The following FAM110B variants were observed in gnomAD, a reference collection of about 807,000 sequenced individuals.
FAM110B encodes the protein family with sequence similarity 110 member B.
A neutral mutation model predicts 20.4 loss-of-function variants in FAM110B; 6 were observed. The ratio of observed to expected loss-of-function variants is 0.29; its 90% CI spans 0.16 to 0.58. The LOEUF is 0.58. Ranked by LOEUF, FAM110B falls within the 20% of genes least tolerant of loss-of-function variation. The pLI is 0.90. For synonymous variants in FAM110B, 226 were observed against 214.1 expected (o/e 1.06, Z -0.49); for missense variants, 434 against 498.2 (o/e 0.87, Z 1.23).
chr8:58,072,956 G>A (rs776510385), intron 2 of FAM110B, among the ~76,000 whole-genome samples: 3 of 152,208 alleles, frequency 2.0e-5, no homozygotes, highest in African/African-American at 4.8e-5. Flanking sequence ...ATATCTATAG[G>A]TGGATTTGTG....
intron 3 of FAM110B, among the ~76,000 whole-genome samples, chr8:58,123,859 A>T (rs936445011): frequency 6.6e-6 from 1 of 152,232 alleles, no homozygotes; most frequent in Admixed American, 6.5e-5. Context: ...CCTTTGGAAG[A>T]CAGAATAAAA....
At chr8:58,131,772 C>T (rs371169580) in intron 3 of FAM110B, among the ~76,000 whole-genome samples, 85 of 152,338 alleles carry the variant, frequency 5.6e-4, no homozygotes, top group Non-Finnish European at 1.1e-3. Flanking sequence ...TTTGTAGATG[C>T]TCAGTAAACA....
At chr8:58,096,548 G>T (rs1249187332) in intron 3 of FAM110B, among the ~76,000 whole-genome samples, 1 of 152,164 alleles carries the variant, frequency 6.6e-6, no homozygotes, top group African/African-American at 2.4e-5. Context: ...TACATTTAAG[G>T]TTAATATTGT....
At chr8:58,121,637 A>G (rs1364396587) in intron 3 of FAM110B, among the ~76,000 whole-genome samples, 1 of 152,186 alleles carries the variant, frequency 6.6e-6, no homozygotes, top group Non-Finnish European at 1.5e-5. Context: ...GTATCCTTTA[A>G]CCATGCCTCT....
At chr8:58,103,181 T>C (rs1000491124) in intron 3 of FAM110B, among the ~76,000 whole-genome samples, 1 of 152,060 alleles carries the variant, frequency 6.6e-6, no homozygotes, top group Non-Finnish European at 1.5e-5. Context: ...CTTTCTTTAT[T>C]ATTATTATAC....
At chr8:58,126,700 A>C (rs959425005) in intron 3 of FAM110B, among the ~76,000 whole-genome samples, 1 of 151,886 alleles carries the variant, frequency 6.6e-6, no homozygotes, top group African/African-American at 2.4e-5. Context: ...TGCCCTTTTT[A>C]TATGCCCTTT....
chr8:58,141,619 A>G (rs1253176316), intron 3 of FAM110B, among the ~76,000 whole-genome samples: 1 of 152,246 alleles, frequency 6.6e-6, no homozygotes, highest in African/African-American at 2.4e-5. Flanking sequence ...TTAAAATTTA[A>G]AGACTAATTA....
At chr8:58,131,901 A>G (rs558679934) in intron 3 of FAM110B, among the ~76,000 whole-genome samples, 1 of 152,240 alleles carries the variant, frequency 6.6e-6, no homozygotes, top group African/African-American at 2.4e-5. Flanking sequence ...AGCTTAGGGG[A>G]AAGTTGCATT....
chr8:58,135,071 A>G (rs1396310682), intron 3 of FAM110B, among the ~76,000 whole-genome samples: 4 of 152,194 alleles, frequency 2.6e-5, no homozygotes, highest in African/African-American at 7.2e-5. Context: ...AGCTGAAACA[A>G]CACTGTGATA....
intron 2 of FAM110B, among the ~76,000 whole-genome samples, chr8:58,069,351 G>A (rs1805840349): frequency 6.6e-6 from 1 of 152,170 alleles, no homozygotes; most frequent in African/African-American, 2.4e-5. Flanking sequence ...ACTCTTCGAG[G>A]TGGCTCCTAT....
chr8:58,032,331 A>G (rs1358954850), intron 2 of FAM110B: 1 of 152,224 alleles, frequency 6.6e-6, no homozygotes, highest in African/African-American at 2.4e-5. Flanking sequence ...TGGACATGGG[A>G]CCTAGTATAT....
intron 3 of FAM110B, among the ~76,000 whole-genome samples, chr8:58,143,761 G>A (rs767695120): frequency 4.6e-5 from 7 of 152,168 alleles, no homozygotes; most frequent in Admixed American, 2.0e-4. Context: ...GGAAGGCCAC[G>A]CCAGTGGTGT....
rs58047108 is a variant in FAM110B, at chr8:58,075,273, T to TGTGTGTGTGTGTGTGTGTGTGTG, written c.-413-262_-413-261insGTGTGTGTGTGTGTGTGTGTGTG. On this transcript the variant is annotated intron_variant, in intron 2 of 3. Transcript: ENST00000519262. ...TGAACTAATTTTTGCTTTTTTTTTTTTTTGTGTGTGTGTGTGTGTGTGTTT... is the reference window on the plus strand; with the variant it reads ...TGAACTAATTTTTGCTTTTTTTTTTTGTGTGTGTGTGTGTGTGTGTGTGTTTGTGTGTGTGTGTGTGTGTGTTT... 3.3e-3 allele frequency among the ~76,000 whole-genome samples: 483 copies of TGTGTGTGTGTGTGTGTGTGTGTG among 145,062 alleles called. 6 individuals carry two copies. Among genetic ancestry groups the TGTGTGTGTGTGTGTGTGTGTGTG allele is most frequent in the African/African-American group, 0.01 (370 of 36,234 alleles).
intron 2 of FAM110B, among the ~76,000 whole-genome samples, chr8:58,057,414 C>G (rs952042213): frequency 2.6e-5 from 4 of 152,176 alleles, no homozygotes; most frequent in African/African-American, 7.2e-5. Context: ...GGCTGCCCTT[C>G]TGTATTTCCT....
At chr8:58,062,118 T>C (rs1001906066) in intron 2 of FAM110B, among the ~76,000 whole-genome samples, 1 of 152,188 alleles carries the variant, frequency 6.6e-6, no homozygotes, top group Non-Finnish European at 1.5e-5. Context: ...AAAGGTCCCA[T>C]GGTTGTTGAG....
At chr8:58,132,378 G>A (rs1803495707) in intron 3 of FAM110B, among the ~76,000 whole-genome samples, 1 of 151,380 alleles carries the variant, frequency 6.6e-6, no homozygotes, top group Non-Finnish European at 1.5e-5. Flanking sequence ...TGGGGGTGGT[G>A]AGGGGGGCGC....
At chr8:58,005,697 C>T (rs961850928) in intron 1 of FAM110B, among the ~76,000 whole-genome samples, 3 of 152,134 alleles carry the variant, frequency 2.0e-5, no homozygotes, top group East Asian at 1.9e-4. Context: ...CTATTACAGC[C>T]GTTAGCATCT....
chr8:58,068,336 C>G (rs574566360), intron 2 of FAM110B, among the ~76,000 whole-genome samples: 1 of 152,262 alleles, frequency 6.6e-6, no homozygotes, highest in East Asian at 1.9e-4. Context: ...TCAGGGTTTG[C>G]GTATGTGTTT....
At chr8:58,105,849 C>A (rs917869734) in intron 3 of FAM110B, among the ~76,000 whole-genome samples, 1 of 152,030 alleles carries the variant, frequency 6.6e-6, no homozygotes, top group African/African-American at 2.4e-5. Flanking sequence ...GGATTACAGG[C>A]ATGAGCCACT....
Sources: allele counts gnomAD v4.1 joint callset (sites outside exome capture counted in the v4.1 genomes callset), GRCh38; gene constraint gnomAD v4.1.1; transcripts MANE v1.5; gene names NCBI Gene and HGNC (gene_info 2026-07-23, HGNC 2026-07-21).